The following GPHN variants were observed in gnomAD, a reference collection of about 807,000 sequenced individuals.
GPHN encodes gephyrin.
A neutral mutation model predicts 95.5 loss-of-function variants in GPHN; 17 were observed. The observed-to-expected ratio is 0.18, with a 90% CI of 0.12 to 0.27. GPHN has a LOEUF of 0.27. Among genes scored for constraint, GPHN ranks in the 10% least tolerant of loss-of-function variants. GPHN has a pLI of 1.00. For synonymous variants in GPHN, 320 were observed against 322.5 expected (o/e 0.99, Z 0.08); for missense variants, 660 against 978.1 (o/e 0.67, Z 4.34).
At chr14:66,984,889 T>C (rs569568297) in intron 9 of GPHN, among the ~76,000 whole-genome samples, 1 of 152,150 alleles carries the variant, frequency 6.6e-6, no homozygotes, top group East Asian at 1.9e-4. Flanking sequence ...AAAACATTAG[T>C]TCTCATTAGA....
intron 8 of GPHN, among the ~76,000 whole-genome samples, chr14:66,963,942 A>AC (rs1299843106): frequency 6.6e-6 from 1 of 152,174 alleles, no homozygotes; most frequent in East Asian, 1.9e-4. Context: ...TCACATAGTA[A>AC]GTGATATTTG....
the GPHN span, among the ~76,000 whole-genome samples, chr14:67,266,414 C>T: frequency 6.6e-6 from 1 of 152,136 alleles, no homozygotes; most frequent in Non-Finnish European, 1.5e-5. Flanking sequence ...CAGCCTCTGC[C>T]TCCTGGGTTC....
chr14:67,573,997 G>A, the GPHN span: 1 of 822,548 alleles, frequency 1.2e-6, no homozygotes, highest in East Asian at 2.5e-5. The surrounding 1 kb of genome is among the most constrained non-coding windows in gnomAD (Gnocchi z 4.8). Context: ...AAAGACTTCA[G>A]ATCAACATTT....
At chr14:67,579,271 C>A in the GPHN span, 1 of 1,584,042 alleles carries the variant, frequency 6.3e-7, no homozygotes. Context: ...CACTCCTTGC[C>A]CTTCAGCATC....
chr14:66,760,393 C>G (rs1394393621), intron 2 of GPHN: 1 of 156,646 alleles, frequency 6.4e-6, no homozygotes, highest in Non-Finnish European at 1.4e-5. Context: ...GTTTTGCACG[C>G]TTTGTATATT....
At chr14:67,190,489 C>T in the GPHN span, among the ~76,000 whole-genome samples, 1 of 152,170 alleles carries the variant, frequency 6.6e-6, no homozygotes, top group South Asian at 2.1e-4. Flanking sequence ...TCCCAAAGTT[C>T]TGGGATTACA....
chr14:67,225,779 C>G, the GPHN span, among the ~76,000 whole-genome samples: 1 of 152,066 alleles, frequency 6.6e-6, no homozygotes, highest in Non-Finnish European at 1.5e-5. Context: ...TAAGTTTGTT[C>G]GAAACACCAG....
At chr14:66,972,434 T>C (rs1567167647) in intron 9 of GPHN, among the ~76,000 whole-genome samples, 1 of 151,982 alleles carries the variant, frequency 6.6e-6, no homozygotes, top group Non-Finnish European at 1.5e-5. Context: ...AGTTATTTCA[T>C]TCTTTCAAGT....
intron 1 of GPHN, among the ~76,000 whole-genome samples, chr14:66,545,389 C>A (rs1240927478): frequency 7.1e-6 from 1 of 140,534 alleles, no homozygotes; most frequent in Admixed American, 6.9e-5. Context: ...GGGGGCTGAC[C>A]CCCCCACCTC....
chr14:67,671,817 A>G, the GPHN span, among the ~76,000 whole-genome samples: 1 of 152,206 alleles, frequency 6.6e-6, no homozygotes, highest in Non-Finnish European at 1.5e-5. Flanking sequence ...ACAGATCAAG[A>G]GAGCAGGCAA....
At chr14:66,834,887 G>A (rs2061731129) in intron 4 of GPHN, among the ~76,000 whole-genome samples, 1 of 140,196 alleles carries the variant, frequency 7.1e-6, no homozygotes. Flanking sequence ...TCTGGTCCTG[G>A]ACTCTTTTTG....
chr14:66,961,975 A>G (rs1339098921), intron 8 of GPHN, among the ~76,000 whole-genome samples: 1 of 136,084 alleles, frequency 7.3e-6, no homozygotes, highest in Non-Finnish European at 1.6e-5. Flanking sequence ...ATTTACTCAC[A>G]TGGGTATCAT....
At chr14:66,987,338 A>T (rs1404548303) in intron 9 of GPHN, among the ~76,000 whole-genome samples, 1 of 152,124 alleles carries the variant, frequency 6.6e-6, no homozygotes. Context: ...AATGGCATCC[A>T]TAACTGTAGC....
At chr14:66,929,229 T>C (rs1197189253) in intron 8 of GPHN, among the ~76,000 whole-genome samples, 1 of 151,604 alleles carries the variant, frequency 6.6e-6, no homozygotes, top group African/African-American at 2.4e-5. Context: ...CTAATTTTTG[T>C]GTTTAGTAGA....
chr14:67,542,799 C>G, the GPHN span, among the ~76,000 whole-genome samples: 2 of 152,166 alleles, frequency 1.3e-5, no homozygotes, highest in Non-Finnish European at 2.9e-5. Flanking sequence ...CTCCTGGGCT[C>G]AAGCGATTCT....
At chr14:66,853,875 T>A (rs1477044479) in intron 4 of GPHN, among the ~76,000 whole-genome samples, 1 of 152,202 alleles carries the variant, frequency 6.6e-6, no homozygotes. Flanking sequence ...TACTGAAGGA[T>A]CCTTGAGAGT....
intron 10 of GPHN, among the ~76,000 whole-genome samples, chr14:67,046,074 C>T (rs780921717): frequency 2.0e-5 from 3 of 151,462 alleles, no homozygotes; most frequent in Non-Finnish European, 4.4e-5. Context: ...CATTCTATCT[C>T]GATTTTTTTT....
chr14:67,372,062 C>T, the GPHN span, among the ~76,000 whole-genome samples: 38 of 151,650 alleles, frequency 2.5e-4, no homozygotes, highest in African/African-American at 9.2e-4. Flanking sequence ...CCCAGGAGTT[C>T]GAGACCAGCC....
At chr14:67,374,960 A>G in the GPHN span, among the ~76,000 whole-genome samples, 28 of 152,342 alleles carry the variant, frequency 1.8e-4, no homozygotes, top group Middle Eastern at 3.4e-3. Flanking sequence ...GGAGACAACC[A>G]GCTGTTATAT....
Sources: allele counts gnomAD v4.1 joint callset (sites outside exome capture counted in the v4.1 genomes callset), GRCh38; gene constraint gnomAD v4.1.1; non-coding constraint Gnocchi (gnomAD v3.1); transcripts MANE v1.5; gene names NCBI Gene and HGNC (gene_info 2026-07-23, HGNC 2026-07-21).